Variants in MRPS31 observed in about 807,000 individuals in gnomAD.
MRPS31 encodes small ribosomal subunit protein mS31.
Under a neutral mutation model 43.1 loss-of-function variants are expected in MRPS31, and 32 were observed. The ratio of observed to expected loss-of-function variants is 0.74; its 90% CI spans 0.56 to 1.00. The LOEUF (loss-of-function observed/expected upper bound fraction) is 1.00, where lower values mean the gene tolerates loss of function less well. MRPS31 is among the 50% of genes least tolerant of loss of function. The pLI is 0.00. For missense variants in MRPS31, 437 were observed against 466.7 expected, an observed-to-expected ratio of 0.94 and a Z score of 0.59; for synonymous variants, 165 against 161.6, an observed-to-expected ratio of 1.02 and a Z score of -0.16.
At chr13:40,769,238 T>C (rs1360345539) in intron 1 of MRPS31, among the ~76,000 whole-genome samples, 1 of 150,850 alleles carries the variant, frequency 6.6e-6, no homozygotes, top group East Asian at 1.9e-4. Flanking sequence ...TAGCCAGGTG[T>C]GGTGGTGGGT....
intron 6 of MRPS31, among the ~76,000 whole-genome samples, chr13:40,736,866 G>C (rs1380618522): frequency 1.3e-5 from 2 of 150,432 alleles, no homozygotes; most frequent in Non-Finnish European, 2.9e-5. Context: ...GGAAGAAACT[G>C]CATCAACTAA....
chr13:40,731,811 CATTA>C (rs942649301), intron 6 of MRPS31, among the ~76,000 whole-genome samples: 13 of 152,030 alleles, frequency 8.6e-5, no homozygotes, highest in African/African-American at 3.1e-4. Flanking sequence ...TATCTTGGTA[CATTA>C]ATTTTTTTCA....
chr13:40,749,093 A>G (rs2138004991), intron 6 of MRPS31, 45 bp downstream of exon 6: 4 of 1,544,770 alleles, frequency 2.6e-6, no homozygotes, highest in East Asian at 2.4e-5. Flanking sequence ...TGGCAGAAAT[A>G]ATCTCAATCA....
chr13:40,743,517 C>T (rs150819797), intron 6 of MRPS31, among the ~76,000 whole-genome samples: 1 of 152,196 alleles, frequency 6.6e-6, no homozygotes, highest in East Asian at 1.9e-4. Context: ...AAAAAACAAT[C>T]AACCCTATTA....
intron 2 of MRPS31, among the ~76,000 whole-genome samples, chr13:40,760,875 G>T (rs535164264): frequency 6.6e-6 from 1 of 151,932 alleles, no homozygotes; most frequent in Non-Finnish European, 1.5e-5. Context: ...TACCTAATAC[G>T]AAAGTTAAAC....
intron 6 of MRPS31, among the ~76,000 whole-genome samples, chr13:40,737,701 G>A (rs1324347798): frequency 3.3e-5 from 5 of 152,074 alleles, no homozygotes; most frequent in Non-Finnish European, 4.4e-5. Context: ...GGTACATAAC[G>A]AAATGAAGGC....
chr13:40,736,162 A>C (rs1879898405), intron 6 of MRPS31, among the ~76,000 whole-genome samples: 1 of 151,870 alleles, frequency 6.6e-6, no homozygotes, highest in African/African-American at 2.4e-5. Flanking sequence ...GATGCGATCA[A>C]CTGGAAGAAA....
chr13:40,740,901 C>G (rs1880068189), intron 6 of MRPS31, among the ~76,000 whole-genome samples: 1 of 146,282 alleles, frequency 6.8e-6, no homozygotes. Flanking sequence ...CTAACCTGCA[C>G]AATGTGCACA....
chr13:40,757,742 CT>C (rs374204641), intron 3 of MRPS31, among the ~76,000 whole-genome samples: 1,507 of 129,530 alleles, frequency 0.012, 5 homozygotes, highest in Middle Eastern at 0.033. Context: ...GTGCGCCTGG[CT>C]TTTTTTTTTT....
chr13:40,769,515 T>C (rs929788449), intron 1 of MRPS31, among the ~76,000 whole-genome samples: 2 of 150,636 alleles, frequency 1.3e-5, no homozygotes, highest in Non-Finnish European at 3.0e-5. Flanking sequence ...TGAAACTATT[T>C]GATCTGCTTA....
At chr13:40,732,274 G>C in intron 6 of MRPS31, among the ~76,000 whole-genome samples, 1 of 152,172 alleles carries the variant, frequency 6.6e-6, no homozygotes, top group East Asian at 1.9e-4. Context: ...CCATTCACAT[G>C]CATTTAACAA....
At chr13:40,770,390 A>C (rs1239603197) in intron 1 of MRPS31, among the ~76,000 whole-genome samples, 1 of 152,224 alleles carries the variant, frequency 6.6e-6, no homozygotes, top group Non-Finnish European at 1.5e-5. Context: ...AACTTCAACC[A>C]GTGGTCCTCC....
chr13:40,750,871 C>T (rs1317007446), intron 5 of MRPS31, among the ~76,000 whole-genome samples: 1 of 150,926 alleles, frequency 6.6e-6, no homozygotes, highest in Non-Finnish European at 1.5e-5. Context: ...CTTGTAGTTA[C>T]ACTTTAGCGC....
At chr13:40,744,689 A>AG (rs1312915060) in intron 6 of MRPS31, among the ~76,000 whole-genome samples, 2 of 152,112 alleles carry the variant, frequency 1.3e-5, no homozygotes, top group Non-Finnish European at 2.9e-5. Context: ...TAGCAAAGAC[A>AG]TTATACACTC....
chr13:40,739,552 C>T (rs1175388770), intron 6 of MRPS31, among the ~76,000 whole-genome samples: 1 of 152,120 alleles, frequency 6.6e-6, no homozygotes, highest in African/African-American at 2.4e-5. Context: ...TACAAGGCTA[C>T]AGTAACCAAA....
At chr13:40,735,346 G>A (rs148475907) in intron 6 of MRPS31, among the ~76,000 whole-genome samples, 4,581 of 152,284 alleles carry the variant, frequency 0.03, 175 homozygotes, top group East Asian at 0.14. Flanking sequence ...CGGCAGTGAG[G>A]CTGCGGGAGG....
intron 2 of MRPS31, among the ~76,000 whole-genome samples, chr13:40,760,072 G>A (rs1446885619): frequency 6.6e-6 from 1 of 150,460 alleles, no homozygotes; most frequent in East Asian, 2.0e-4. Flanking sequence ...GGGAGGTGGA[G>A]GTTGCAGTGA....
chr13:40,767,582 C>T lies in MRPS31; in HGVS notation c.153-549G>A, dbSNP rs1880886782. ...TCACAGCTCACTAAGAACTAAAACA[C>T]ACTGTGTGCCACAAATAAGTAGAGG... On this transcript the variant is annotated intron_variant, in intron 1 of 6. Transcript: ENST00000323563. Among the ~76,000 whole-genome samples the T allele has an allele frequency of 4.6e-5, 7 of 152,326 alleles. No individual in the cohort carries two copies. In the South Asian group the frequency reaches 1.4e-3, roughly 32 times the overall value.
chr13:40,737,369 A>T (rs1593442216), intron 6 of MRPS31, among the ~76,000 whole-genome samples: 1 of 152,148 alleles, frequency 6.6e-6, no homozygotes, highest in African/African-American at 2.4e-5. Flanking sequence ...CATTAGACAG[A>T]TCAATGAGAC....
Sources: gnomAD v4.1 joint callset for allele counts (sites outside exome capture counted in the v4.1 genomes callset) on GRCh38, gnomAD v4.1.1 for gene constraint, MANE v1.5 for transcripts, NCBI Gene and HGNC (gene_info 2026-07-23, HGNC 2026-07-21) for gene names.